Variants in ZSCAN1 observed in about 807,000 individuals in gnomAD.
ZSCAN1 encodes zinc finger and SCAN domain containing 1, also known as zinc finger and SCAN domain-containing protein 1.
Under a neutral mutation model 23.8 loss-of-function variants are expected in ZSCAN1, and 23 were observed. That is an observed-to-expected ratio of 0.97 (90% CI 0.70 to 1.37). ZSCAN1 has a LOEUF of 1.37. ZSCAN1 is among the 40% of genes most tolerant of loss of function. The pLI is 0.00. For synonymous variants in ZSCAN1, 236 were observed against 232.3 expected (o/e 1.02, Z -0.15); for missense variants, 575 against 554.0 (o/e 1.04, Z -0.38).
rs1034273314 is a variant in ZSCAN1 at position 58,044,453 on chromosome 19, G to A, written c.465+3909G>A. The A allele has an allele frequency of 2.1e-5, 8 of 384,016 alleles. No individual in the cohort carries two copies. In the South Asian group the frequency reaches 3.5e-4, roughly 17 times the overall value. The allele number at this position is 384,016 out of a possible 1,614,324, so 23.8% of individuals were successfully genotyped here. ...CATCGAAGCTGGGCGCCTCCTGTCC[G>A]AGGCCAACCGCTGCCGTCAACCGTC... On this transcript the variant is annotated intron_variant, in intron 4 of 5. Coordinates refer to ENST00000282326, the MANE Select transcript of ZSCAN1 (RefSeq NM_182572.4).
intron 2 of ZSCAN1, among the ~76,000 whole-genome samples, chr19:58,036,515 C>CTTTTTT (rs66483587): frequency 4.3e-5 from 4 of 93,438 alleles, no homozygotes; most frequent in East Asian, 2.4e-4. Flanking sequence ...TTTTTCTTTT[C>CTTTTTT]TTTTTTTTTT....
At chr19:58,050,089 C>CA (rs1568605566) in intron 4 of ZSCAN1, among the ~76,000 whole-genome samples, 1 of 144,948 alleles carries the variant, frequency 6.9e-6, no homozygotes, top group Non-Finnish European at 1.5e-5. Context: ...CCACTCTTTC[C>CA]TTTTTTTTTT....
At chr19:58,041,490 C>G (rs919937431) in intron 4 of ZSCAN1, among the ~76,000 whole-genome samples, 2 of 152,252 alleles carry the variant, frequency 1.3e-5, no homozygotes, top group Non-Finnish European at 2.9e-5. Flanking sequence ...GTTCTAGGCC[C>G]AGGACCCACT....
chr19:58,038,341 C>T lies in ZSCAN1; in HGVS notation c.370+135C>T, dbSNP rs184296235. On this transcript the variant is annotated intron_variant, in intron 3 of 5. Transcript: ENST00000282326. ...CCCGACCAGCAAACCTCTCCTGCCCCGCGGCTGTGTTTTTAATTATTTTTA... is the reference window on the plus strand; with the variant it reads ...CCCGACCAGCAAACCTCTCCTGCCCTGCGGCTGTGTTTTTAATTATTTTTA... The T allele has an allele frequency of 1.7e-3, 1,943 of 1,154,996 alleles. 16 individuals carry two copies. The highest frequency in any genetic ancestry group is 8.0e-4 in the Non-Finnish European group (667 of 834,196). 71.5% of individuals were successfully genotyped at this position (1,154,996 alleles called of 1,614,324 possible). A position where few individuals can be genotyped will look rare whatever the true frequency, so the allele number is the denominator to read the frequency against.
At chr19:58,038,362 T>A (rs1388817148) in intron 3 of ZSCAN1, 156 bp downstream of exon 3, 2 of 972,378 alleles carry the variant, frequency 2.1e-6, no homozygotes, top group Admixed American at 5.6e-5. Context: ...TTTTAATTAT[T>A]TTTACATATA....
rs2073846306 is a variant in ZSCAN1, at chr19:58,049,601, C to G, written c.466-2889C>G. Among the ~76,000 whole-genome samples, 1 of 152,138 alleles carries G rather than the reference C, an allele frequency of 6.6e-6. No homozygotes were observed. Among genetic ancestry groups the G allele is most frequent in the African/African-American group, 2.4e-5 (1 of 41,414 alleles). ...TGTGGTCCATTGTTGACTGAAACAC[C>G]ATTACCCCATGGGGAGGGGCTGCCT... On this transcript the variant is annotated intron_variant, in intron 4 of 5. Transcript: ENST00000282326. This position sits in a 1 kb window ranked among gnomAD's most constrained non-coding sequence, Gnocchi z 4.5.
intron 1 of ZSCAN1, among the ~76,000 whole-genome samples, chr19:58,034,647 C>T (rs1209687291): frequency 1.4e-5 from 2 of 140,162 alleles, no homozygotes; most frequent in Non-Finnish European, 3.1e-5. Flanking sequence ...CCCACTGGAA[C>T]AGCAGCCCCC....
intron 1 of ZSCAN1, among the ~76,000 whole-genome samples, chr19:58,034,765 C>G (rs1401549419): frequency 1.4e-5 from 2 of 144,314 alleles, no homozygotes; most frequent in Non-Finnish European, 3.0e-5. Context: ...CATCCTCCCC[C>G]CAACCAGCCG....
rs1198173982 is a variant in ZSCAN1 at position 58,034,053 on chromosome 19, C to T, written c.-260C>T. 2 of 151,852 alleles carry T rather than the reference C, an allele frequency of 1.3e-5. No individual in the cohort carries two copies. The highest frequency in any genetic ancestry group is 2.9e-5 in the Non-Finnish European group (2 of 67,920). 9.4% of individuals were successfully genotyped at this position (151,852 alleles called of 1,614,324 possible). On this transcript the variant is annotated 5_prime_UTR_variant, in exon 1 of 6. Coordinates refer to ENST00000282326, the MANE Select transcript of ZSCAN1 (RefSeq NM_182572.4). ...ATCCAGCGGACCAATGGCGGCCGCC[C>T]GCGGCGCGCAGGGTGCGGGGATGGG... is the stretch of plus-strand genomic sequence containing the variant.
chr19:58,034,895 C>T (rs952223857), intron 1 of ZSCAN1, among the ~76,000 whole-genome samples: 5 of 151,676 alleles, frequency 3.3e-5, no homozygotes, highest in Admixed American at 2.0e-4. Flanking sequence ...ACGCCCTCCC[C>T]ACTGTAAGCC....
Position 58,034,116 on chromosome 19 carries a change from G to C in ZSCAN1, c.-197G>C, listed in dbSNP as rs1208153255. The C allele has an allele frequency of 1.3e-5, 2 of 151,468 alleles. No individual in the cohort carries two copies. Among genetic ancestry groups the C allele is most frequent in the Admixed American group, 1.3e-4 (2 of 15,192 alleles). The allele number at this position is 151,468 out of a possible 1,614,324, so 9.4% of individuals were successfully genotyped here. A position where few individuals can be genotyped will look rare whatever the true frequency, so the allele number is the denominator to read the frequency against. On this transcript the variant is annotated 5_prime_UTR_variant, in exon 1 of 6. Coordinates refer to ENST00000282326, the MANE Select transcript of ZSCAN1 (RefSeq NM_182572.4). ...CGTTGGGCGCGCTCGCCAGCCCAGG[G>C]GTCGCCATGACCGAGTGGCCCAGGC...
In ZSCAN1 at chr19:58,042,285, T is replaced by C. The variant is rs533055159; in HGVS notation, c.465+1741T>C. ...TTACTTTTTTTTTTTTTTAATGGAG[T>C]CTTGCTCTGTAGCCCAGGCTGGAGT... is the stretch of plus-strand genomic sequence containing the variant. On this transcript the variant is annotated intron_variant, in intron 4 of 5. Transcript: ENST00000282326. Among the ~76,000 whole-genome samples, 36 of 151,194 alleles carry C rather than the reference T, an allele frequency of 2.4e-4. 1 individual carries two copies. In the South Asian group the frequency reaches 4.4e-3, roughly 19 times the overall value.
intron 4 of ZSCAN1, among the ~76,000 whole-genome samples, chr19:58,051,140 G>A (rs1267094421): frequency 1.3e-5 from 2 of 152,042 alleles, no homozygotes; most frequent in Non-Finnish European, 2.9e-5. Context: ...ACACATACAT[G>A]CCACCCACTC....
chr19:58,053,440 C>T lies in ZSCAN1; in HGVS notation c.616C>T (p.Arg206Cys), dbSNP rs776237888. Reference sequence around the variant, plus strand: ...CTCGCCCTCCACAGGGTCCCGGGCCCGCTTGCCTCTGAAGCCGAGTATCTG... The same window carrying T: ...CTCGCCCTCCACAGGGTCCCGGGCCTGCTTGCCTCTGAAGCCGAGTATCTG... ...RAPGLLGSRA[R>C]LPLKPSIWDE... Residue 206 changes from arginine to cysteine, a missense_variant, in exon 6 of 6, where the codon CGC (arginine) becomes TGC (cysteine). Transcript: ENST00000282326. The surrounding 1 kb of genome is among the most constrained non-coding windows in gnomAD (Gnocchi z 5.8). The T allele has an allele frequency of 2.7e-5, 43 of 1,610,086 alleles. No individual in the cohort carries two copies. The highest frequency in any genetic ancestry group is 4.4e-5 in the South Asian group (4 of 90,950).
intron 4 of ZSCAN1, among the ~76,000 whole-genome samples, chr19:58,051,205 G>A (rs1043878847): frequency 3.3e-5 from 5 of 152,144 alleles, no homozygotes; most frequent in African/African-American, 1.2e-4. Context: ...GCCAAGGTGG[G>A]TGAAGTAGGG....
At chr19:58,035,736 T>C (rs1415110941) in intron 1 of ZSCAN1, among the ~76,000 whole-genome samples, 1 of 152,218 alleles carries the variant, frequency 6.6e-6, no homozygotes, top group Non-Finnish European at 1.5e-5. Context: ...CGAAGATGGC[T>C]GGCTGGGCAC....
rs532508998 is a variant in ZSCAN1 at position 58,053,779 on chromosome 19, C to A, written c.955C>A (p.Pro319Thr). 6.2e-7 allele frequency: 1 copy of A among 1,614,082 alleles called. No homozygotes were observed. Among genetic ancestry groups the A allele is most frequent in the Non-Finnish European group, 8.5e-7 (1 of 1,180,024 alleles). Residue 319 changes from proline (P) to threonine (T), a missense_variant, in exon 6 of 6, where the codon CCC (proline) becomes ACC (threonine). By Grantham distance (38) the Pro-to-Thr change is conservative (BLOSUM62 -1). Coordinates refer to ENST00000282326, the MANE Select transcript of ZSCAN1 (RefSeq NM_182572.4). The surrounding 1 kb of genome is among the most constrained non-coding windows in gnomAD (Gnocchi z 5.8). ...EHQKTHREEG[P>T]FPCPECGKVF... is the part of the protein sequence containing the mutation. Reference sequence around the variant, plus strand: ...CCAGAAGACCCATCGCGAGGAAGGGCCCTTTCCGTGCCCCGAGTGTGGCAA... The same window carrying A: ...CCAGAAGACCCATCGCGAGGAAGGGACCTTTCCGTGCCCCGAGTGTGGCAA...
intron 4 of ZSCAN1, among the ~76,000 whole-genome samples, chr19:58,044,249 G>GC (rs1158293928): frequency 2.6e-5 from 4 of 151,980 alleles, no homozygotes; most frequent in African/African-American, 9.7e-5. Context: ...TCCAGCCCGA[G>GC]CAACAGGAGC....
At position 58,040,515 on chromosome 19, in the gene ZSCAN1, A is replaced by G. The variant is rs1365324978; in HGVS notation, c.436A>G (p.Ser146Gly). Reference sequence around the variant, plus strand: ...TTTCGGTGAGGAGGAAGATGGGAAGAGTCCAAGGTCCCAGAAAGAACCATC... The same window carrying G: ...TTTCGGTGAGGAGGAAGATGGGAAGGGTCCAAGGTCCCAGAAAGAACCATC... ...WSFGEEEDGKSPRSQKEPSQA... is the reference protein window; with the variant it reads ...WSFGEEEDGKGPRSQKEPSQA... The change falls in exon 4 of 6, where the codon AGT becomes GGT. Residue 146 changes from serine to glycine, a missense_variant. Transcript: ENST00000282326. This position sits in a 1 kb window ranked among gnomAD's most constrained non-coding sequence, Gnocchi z 5.8. The G allele has an allele frequency of 6.2e-7, 1 of 1,613,572 alleles. No individual in the cohort carries two copies. Among genetic ancestry groups the G allele is most frequent in the East Asian group, 2.2e-5 (1 of 44,868 alleles).
Sources: allele counts gnomAD v4.1 joint callset (sites outside exome capture counted in the v4.1 genomes callset), GRCh38; gene constraint gnomAD v4.1.1; non-coding constraint Gnocchi (gnomAD v3.1); transcripts MANE v1.5; gene names NCBI Gene and HGNC (gene_info 2026-07-23, HGNC 2026-07-21).